The following KLHL32 variants were observed in gnomAD, a reference collection of about 807,000 sequenced individuals.
KLHL32 encodes the protein kelch like family member 32.
Under a neutral mutation model 64.8 loss-of-function variants are expected in KLHL32, and 35 were observed. The observed-to-expected ratio is 0.54, with a 90% CI of 0.41 to 0.72. The LOEUF is 0.72. KLHL32 is among the 30% of genes least tolerant of loss of function. The pLI, the probability that KLHL32 is intolerant of heterozygous loss-of-function variation, is 0.00. For missense variants in KLHL32, 589 were observed against 768.5 expected (o/e 0.77, Z 2.76); for synonymous variants, 259 against 281.0 (o/e 0.92, Z 0.78).
intron 3 of KLHL32, among the ~76,000 whole-genome samples, chr6:97,035,971 G>C (rs986331280): frequency 6.6e-6 from 1 of 151,350 alleles, no homozygotes; most frequent in African/African-American, 2.4e-5. Flanking sequence ...AATCTATATC[G>C]GTTTACTTGA....
Position 97,005,558 on chromosome 6 carries a change from C to A in KLHL32, c.204+29381C>A, listed in dbSNP as rs554734987. 2.6e-5 allele frequency among the ~76,000 whole-genome samples: 4 copies of A among 151,962 alleles called. No homozygotes were observed. The East Asian group carries it at 5.8e-4, about 22-fold the overall frequency. On this transcript the variant is annotated intron_variant, in intron 3 of 10. Coordinates refer to ENST00000369261, the MANE Select transcript of KLHL32 (RefSeq NM_052904.4). ...GGTTGCTGTTCTTTTCCTATTTCTTCTAGGTGTGATATTAGGTTGTTAATT... is the reference window on the plus strand; with the variant it reads ...GGTTGCTGTTCTTTTCCTATTTCTTATAGGTGTGATATTAGGTTGTTAATT...
chr6:97,131,746 G>C (rs1455986854), intron 9 of KLHL32, among the ~76,000 whole-genome samples: 1 of 152,136 alleles, frequency 6.6e-6, no homozygotes, highest in Non-Finnish European at 1.5e-5. Context: ...GCTGCTGCTG[G>C]GGGAGGCAAC....
intron 3 of KLHL32, among the ~76,000 whole-genome samples, chr6:97,034,769 A>C (rs1300279446): frequency 6.6e-6 from 1 of 151,724 alleles, no homozygotes; most frequent in Non-Finnish European, 1.5e-5. Context: ...TGTAAATGGG[A>C]TGGTTTTCTT....
chr6:97,038,526 G>T (rs1784626399), intron 3 of KLHL32, among the ~76,000 whole-genome samples: 1 of 152,110 alleles, frequency 6.6e-6, no homozygotes, highest in Admixed American at 6.6e-5. Flanking sequence ...TTCTGGCAAT[G>T]ATATGGAGAA....
intron 1 of KLHL32, among the ~76,000 whole-genome samples, chr6:96,948,017 A>G (rs1194793064): frequency 6.6e-6 from 1 of 152,170 alleles, no homozygotes; most frequent in African/African-American, 2.4e-5. Flanking sequence ...GTTTGGCTAG[A>G]TGCCTTTCTG....
At chr6:97,061,218 G>T (rs541536400) in intron 4 of KLHL32, among the ~76,000 whole-genome samples, 6 of 152,246 alleles carry the variant, frequency 3.9e-5, no homozygotes, top group African/African-American at 1.2e-4. Context: ...AAACCTGTTT[G>T]CAAATCTGGA....
intron 3 of KLHL32, among the ~76,000 whole-genome samples, chr6:97,031,239 A>G (rs578032710): frequency 6.6e-6 from 1 of 152,194 alleles, no homozygotes; most frequent in Non-Finnish European, 1.5e-5. Context: ...ATATCTTTTA[A>G]ATGTATTATA....
chr6:97,137,525 G>GT (rs1236852325), intron 10 of KLHL32, among the ~76,000 whole-genome samples: 1 of 151,944 alleles, frequency 6.6e-6, no homozygotes, highest in Admixed American at 6.6e-5. Context: ...ATAATGCGTT[G>GT]TTGAAGTTAA....
At chr6:97,066,674 G>A (rs1043600130) in intron 5 of KLHL32, among the ~76,000 whole-genome samples, 5 of 152,206 alleles carry the variant, frequency 3.3e-5, no homozygotes, top group Middle Eastern at 3.4e-3. Context: ...TCATGTCGAC[G>A]TAGAAACCTT....
rs575511272 is a variant in KLHL32 at position 97,008,403 on chromosome 6, G to A, written c.204+32226G>A. Reference sequence around the variant, plus strand: ...AGAAGACAGGGTAGTGCTCAGATCAGACTAGCCCCATCTCACAAGGAAGAC... The same window carrying A: ...AGAAGACAGGGTAGTGCTCAGATCAAACTAGCCCCATCTCACAAGGAAGAC... On this transcript the variant is annotated intron_variant, in intron 3 of 10. Transcript: ENST00000369261. 2.0e-5 allele frequency among the ~76,000 whole-genome samples: 3 copies of A among 152,174 alleles called. No homozygotes were observed. In the East Asian group the frequency reaches 5.8e-4, roughly 29 times the overall value.
intron 6 of KLHL32, among the ~76,000 whole-genome samples, chr6:97,111,448 A>T (rs956734230): frequency 1.3e-5 from 2 of 152,196 alleles, no homozygotes; most frequent in Non-Finnish European, 2.9e-5. Context: ...CAGCAGAGGT[A>T]AACTTCACTC....
At chr6:97,136,670 T>A (rs1800055152) in intron 10 of KLHL32, among the ~76,000 whole-genome samples, 1 of 151,820 alleles carries the variant, frequency 6.6e-6, no homozygotes, top group Non-Finnish European at 1.5e-5. Flanking sequence ...TTTACTATTA[T>A]TTTTTTTGGC....
At chr6:97,090,674 C>T (rs1431542080) in intron 6 of KLHL32, among the ~76,000 whole-genome samples, 2 of 152,198 alleles carry the variant, frequency 1.3e-5, no homozygotes, top group Non-Finnish European at 1.5e-5. Context: ...TCAAACAATA[C>T]TATTAAAATA....
At chr6:97,104,265 A>G (rs1307723574) in intron 6 of KLHL32, among the ~76,000 whole-genome samples, 2 of 152,196 alleles carry the variant, frequency 1.3e-5, no homozygotes, top group African/African-American at 4.8e-5. Context: ...TACATGTGGC[A>G]GGTCTGAGGG....
At chr6:96,909,104 TCTG>T in the KLHL32 span, among the ~76,000 whole-genome samples, 310 of 152,176 alleles carry the variant, frequency 2.0e-3, no homozygotes, top group Admixed American at 6.1e-3. Flanking sequence ...CCAGCTGACT[TCTG>T]CTGCTGGATT....
At chr6:97,049,896 GTC>G (rs1162791863) in intron 4 of KLHL32, among the ~76,000 whole-genome samples, 2 of 152,208 alleles carry the variant, frequency 1.3e-5, no homozygotes, top group Admixed American at 6.5e-5. Flanking sequence ...CCCAAGACCT[GTC>G]TCTTTCTCAC....
chr6:97,025,788 G>C (rs2128108759), intron 3 of KLHL32, among the ~76,000 whole-genome samples: 1 of 152,152 alleles, frequency 6.6e-6, no homozygotes, highest in South Asian at 2.1e-4. Context: ...AATTTCACTG[G>C]GTCTCATTTT....
the KLHL32 span, among the ~76,000 whole-genome samples, chr6:96,916,075 G>A: frequency 1.3e-5 from 2 of 152,202 alleles, no homozygotes; most frequent in African/African-American, 4.8e-5. Context: ...CAGATTCAGA[G>A]AGACTCCAGA....
chr6:96,949,899 C>T (rs1009657281), intron 1 of KLHL32, among the ~76,000 whole-genome samples: 1 of 151,910 alleles, frequency 6.6e-6, no homozygotes, highest in Non-Finnish European at 1.5e-5. Flanking sequence ...TTACTTAAAT[C>T]AATATTGTTT....
Sources: gnomAD v4.1 joint callset for allele counts (sites outside exome capture counted in the v4.1 genomes callset) on GRCh38, gnomAD v4.1.1 for gene constraint, MANE v1.5 for transcripts, NCBI Gene and HGNC (gene_info 2026-07-23, HGNC 2026-07-21) for gene names.